DDC: variants seen among roughly 807,000 people sequenced by gnomAD.
DDC encodes the protein aromatic-L-amino-acid decarboxylase.
In DDC, 43 loss-of-function variants were observed where a neutral mutation model predicts 60.0. That is an observed-to-expected ratio of 0.72 (90% CI 0.56 to 0.92). The LOEUF (loss-of-function observed/expected upper bound fraction) is 0.92, where lower values mean the gene tolerates loss of function less well. Ranked by LOEUF, DDC falls within the 40% of genes least tolerant of loss-of-function variation. The probability of loss-of-function intolerance (pLI) is 0.00; values close to 1 mark genes in which losing one functional copy is unlikely to be tolerated. For synonymous variants in DDC, 232 were observed against 234.6 expected (o/e 0.99, Z 0.10); for missense variants, 573 against 620.2 (o/e 0.92, Z 0.81).
chr7:50,537,736 T>C, intron 4 of DDC, 124 bp downstream of exon 4: 1 of 1,305,112 alleles, frequency 7.7e-7, no homozygotes, highest in Non-Finnish European at 1.1e-6. Context: ...CTCGGTTTTG[T>C]TTATTCTCCA....
At chr7:50,529,390 A>AT in intron 4 of DDC, 48 bp from the exon 5 acceptor site, 1 of 1,605,264 alleles carries the variant, frequency 6.2e-7, no homozygotes, top group Non-Finnish European at 8.5e-7. Context: ...TAGCGAAGGC[A>AT]TTGGTACCTA....
chr7:50,476,370 C>T (rs1379949151), intron 11 of DDC, among the ~76,000 whole-genome samples: 1 of 152,224 alleles, frequency 6.6e-6, no homozygotes, highest in Admixed American at 6.5e-5. Flanking sequence ...GGGGCAGAAG[C>T]TCCTTTCTCC....
At chr7:50,505,500 G>T (rs1396531608) in intron 6 of DDC, among the ~76,000 whole-genome samples, 2 of 152,218 alleles carry the variant, frequency 1.3e-5, no homozygotes, top group Admixed American at 1.3e-4. Context: ...TCAGAAACTC[G>T]TATGTGAGAA....
intron 1 of DDC, among the ~76,000 whole-genome samples, chr7:50,551,771 C>A (rs760789231): frequency 6.6e-6 from 1 of 152,146 alleles, no homozygotes; most frequent in Non-Finnish European, 1.5e-5. Flanking sequence ...CTATTCTGAC[C>A]TATGAGAATG....
chr7:50,487,050 A>G (rs1303571357), intron 9 of DDC, among the ~76,000 whole-genome samples: 2 of 152,218 alleles, frequency 1.3e-5, no homozygotes, highest in Non-Finnish European at 2.9e-5. Flanking sequence ...TTTTGAAAAC[A>G]GGCAAATGAA....
chr7:50,482,779 A>G (rs2153536781), intron 9 of DDC, among the ~76,000 whole-genome samples: 1 of 152,330 alleles, frequency 6.6e-6, no homozygotes, highest in Admixed American at 6.5e-5. Flanking sequence ...TAGTAAACAT[A>G]TCTTTTCTTG....
At chr7:50,479,515 C>A (rs985476246) in intron 10 of DDC, among the ~76,000 whole-genome samples, 1 of 152,218 alleles carries the variant, frequency 6.6e-6, no homozygotes, top group Admixed American at 6.5e-5. Flanking sequence ...AATCCCATGG[C>A]TGTGCCCACC....
At chr7:50,522,918 G>A (rs2043938199) in intron 6 of DDC, among the ~76,000 whole-genome samples, 1 of 152,114 alleles carries the variant, frequency 6.6e-6, no homozygotes, top group Admixed American at 6.6e-5. Flanking sequence ...GAGAGCAAAG[G>A]GAGAGGTGCT....
intron 9 of DDC, among the ~76,000 whole-genome samples, chr7:50,481,990 C>T (rs2042779502): frequency 6.6e-6 from 1 of 152,204 alleles, no homozygotes; most frequent in Non-Finnish European, 1.5e-5. Context: ...CTATCATTTC[C>T]CATTTATTGA....
chr7:50,517,962 C>A (rs2043782803), intron 6 of DDC, among the ~76,000 whole-genome samples: 2 of 151,730 alleles, frequency 1.3e-5, no homozygotes, highest in Non-Finnish European at 2.9e-5. Context: ...GTAATCCCAG[C>A]ACTTTGGGAG....
intron 7 of DDC, among the ~76,000 whole-genome samples, chr7:50,503,460 G>A (rs984877411): frequency 2.0e-5 from 3 of 152,208 alleles, no homozygotes; most frequent in Non-Finnish European, 4.4e-5. Flanking sequence ...GAAGGGAGGA[G>A]GTGAGAGTGA....
intron 7 of DDC, among the ~76,000 whole-genome samples, chr7:50,501,918 A>G (rs2043267445): frequency 2.0e-5 from 3 of 152,104 alleles, no homozygotes; most frequent in Non-Finnish European, 4.4e-5. Flanking sequence ...TAATAAAAAT[A>G]CAAAAATTAG....
intron 9 of DDC, among the ~76,000 whole-genome samples, chr7:50,485,898 T>C (rs2153537347): frequency 6.6e-6 from 1 of 152,280 alleles, no homozygotes; most frequent in South Asian, 2.1e-4. Flanking sequence ...GGATCCTGCC[T>C]CTTAGATGGG....
intron 7 of DDC, among the ~76,000 whole-genome samples, chr7:50,500,486 C>T (rs1263365415): frequency 6.6e-6 from 1 of 152,184 alleles, no homozygotes; most frequent in Non-Finnish European, 1.5e-5. Context: ...CTCAACCTTA[C>T]CGCTGATCTG....
At chr7:50,459,998 C>T (rs1306823587) in intron 14 of DDC, among the ~76,000 whole-genome samples, 2 of 146,014 alleles carry the variant, frequency 1.4e-5, no homozygotes, top group Non-Finnish European at 3.0e-5. Context: ...GCCCGGCTGC[C>T]CCTACTGGGA....
At chr7:50,467,457 C>G in intron 12 of DDC, 142 bp from the exon 13 acceptor site, 1 of 706,156 alleles carries the variant, frequency 1.4e-6, no homozygotes, top group Non-Finnish European at 2.5e-6. Context: ...TTACCGTTCA[C>G]TGACCAGCTG....
chr7:50,488,917 T>A (rs1386172170), intron 9 of DDC, among the ~76,000 whole-genome samples: 1 of 152,258 alleles, frequency 6.6e-6, no homozygotes, highest in Non-Finnish European at 1.5e-5. Flanking sequence ...CTTTAACTTT[T>A]TCCCCTCTGG....
At chr7:50,488,041 AC>A (rs1393845579) in intron 9 of DDC, among the ~76,000 whole-genome samples, 1 of 152,162 alleles carries the variant, frequency 6.6e-6, no homozygotes. Flanking sequence ...CATTTATTTA[AC>A]CTTAAGTTTT....
chr7:50,514,441 A>T (rs2043672483), intron 6 of DDC, among the ~76,000 whole-genome samples: 1 of 152,224 alleles, frequency 6.6e-6, no homozygotes, highest in Non-Finnish European at 1.5e-5. Context: ...CCCCAAAAAA[A>T]TCACACTAGT....
Sources: gnomAD v4.1 joint callset for allele counts (sites outside exome capture counted in the v4.1 genomes callset) on GRCh38, gnomAD v4.1.1 for gene constraint, MANE v1.5 for transcripts, NCBI Gene and HGNC (gene_info 2026-07-23, HGNC 2026-07-21) for gene names.